Variants in NAALADL2 observed in about 807,000 individuals in gnomAD.
The protein encoded by NAALADL2 is N-acetylated alpha-linked acidic dipeptidase like 2, also known as inactive N-acetylated-alpha-linked acidic dipeptidase-like protein 2.
NAALADL2 carries 76 observed loss-of-function variants against 87.2 expected under a neutral mutation model. The observed-to-expected ratio is 0.87, with a 90% CI of 0.72 to 1.05. NAALADL2 has a LOEUF of 1.05. Among genes scored for constraint, NAALADL2 ranks in the 50% least tolerant of loss-of-function variants. The probability of loss-of-function intolerance (pLI) is 0.00; values close to 1 mark genes in which losing one functional copy is unlikely to be tolerated. For synonymous variants in NAALADL2, 354 were observed against 331.0 expected (o/e 1.07, Z -0.75); for missense variants, 1,089 against 945.8 (o/e 1.15, Z -1.99).
intron 2 of NAALADL2, among the ~76,000 whole-genome samples, chr3:174,554,809 T>G (rs1712555064): frequency 6.6e-6 from 1 of 152,184 alleles, no homozygotes. Context: ...TTAGTAAATT[T>G]GGGGCAAAAT....
At chr3:174,533,536 A>G (rs979342515) in intron 1 of NAALADL2, among the ~76,000 whole-genome samples, 6 of 151,992 alleles carry the variant, frequency 3.9e-5, no homozygotes, top group Non-Finnish European at 8.8e-5. Context: ...GCTGGTGAAT[A>G]TTTCTGAAAT....
Position 174,549,271 on chromosome 3 carries a change from T to C in NAALADL2, c.-183-1298T>C, listed in dbSNP as rs116589314. The stretch of plus-strand genomic sequence containing the variant: ...AGTACTACAGAGCAGATCTGACATA[T>C]ATTAAGAGCTGGAGTAGCTGAGATG... On this transcript the variant is annotated intron_variant, in intron 1 of 3. Transcript: ENST00000434257. Among the ~76,000 whole-genome samples, 166 of 152,344 alleles carry C rather than the reference T, an allele frequency of 1.1e-3. 1 individual carries two copies. Among genetic ancestry groups the C allele is most frequent in the African/African-American group, 3.8e-3 (157 of 41,588 alleles).
chr3:175,800,050 C>G (rs1753956588), intron 13 of NAALADL2, among the ~76,000 whole-genome samples: 1 of 151,920 alleles, frequency 6.6e-6, no homozygotes, highest in African/African-American at 2.4e-5. Flanking sequence ...TAGTTTATTC[C>G]CAGATTGCAT....
chr3:175,562,021 C>T (rs924529528), intron 9 of NAALADL2, among the ~76,000 whole-genome samples: 1 of 152,082 alleles, frequency 6.6e-6, no homozygotes, highest in African/African-American at 2.4e-5. Context: ...TGCAAAATGC[C>T]AAATTCAACA....
At chr3:175,068,923 G>C (rs1408583448) in intron 1 of NAALADL2, among the ~76,000 whole-genome samples, 1 of 152,054 alleles carries the variant, frequency 6.6e-6, no homozygotes, top group Non-Finnish European at 1.5e-5. Flanking sequence ...GCAATTATAT[G>C]TTGGTTAAAT....
At chr3:175,549,726 A>AAT (rs1714019400) in intron 9 of NAALADL2, among the ~76,000 whole-genome samples, 1 of 152,038 alleles carries the variant, frequency 6.6e-6, no homozygotes, top group Non-Finnish European at 1.5e-5. Flanking sequence ...AAATGTAGGC[A>AAT]ATACAAAGGC....
At chr3:174,750,678 C>T (rs561312742) in intron 3 of NAALADL2, among the ~76,000 whole-genome samples, 1 of 152,130 alleles carries the variant, frequency 6.6e-6, no homozygotes, top group Non-Finnish European at 1.5e-5. Flanking sequence ...TGGTGATCCA[C>T]CCGTCTCAGC....
chr3:175,160,360 CTTTTTTTTTT>C (rs71164618), intron 2 of NAALADL2, among the ~76,000 whole-genome samples: 730 of 57,026 alleles, frequency 0.013, 5 homozygotes, highest in Middle Eastern at 0.054. Flanking sequence ...TCTTTTCTTT[CTTTTTTTTTT>C]TTTTTTTTTT....
intron 5 of NAALADL2, among the ~76,000 whole-genome samples, chr3:175,392,163 T>C (rs1015681363): frequency 6.6e-6 from 1 of 152,226 alleles, no homozygotes; most frequent in Non-Finnish European, 1.5e-5. Context: ...TGTGAATTGA[T>C]GAATACTTGC....
At position 175,349,394 on chromosome 3, in the gene NAALADL2, T is replaced by A. The variant is rs150287490; in HGVS notation, c.1090+25069T>A. Among the ~76,000 whole-genome samples, 5 of 151,692 alleles carry A rather than the reference T, an allele frequency of 3.3e-5. No homozygotes were observed. The East Asian group carries it at 7.8e-4, about 24-fold the overall frequency. On this transcript the variant is annotated intron_variant, in intron 5 of 13. Transcript: ENST00000454872. Reference sequence around the variant, plus strand: ...GGAAGTAGCAGGCCAAAGAAGAAATTCACAAAAAACCACAGAGACTAGAGT... The same window carrying A: ...GGAAGTAGCAGGCCAAAGAAGAAATACACAAAAAACCACAGAGACTAGAGT...
chr3:175,703,310 C>T (rs554383487), intron 11 of NAALADL2, among the ~76,000 whole-genome samples: 3 of 152,308 alleles, frequency 2.0e-5, no homozygotes, highest in Admixed American at 6.5e-5. Context: ...GGAAGTCTAT[C>T]AAACTGTCTA....
intron 3 of NAALADL2, among the ~76,000 whole-genome samples, chr3:175,241,381 C>T (rs1237550116): frequency 1.3e-5 from 2 of 152,036 alleles, no homozygotes; most frequent in African/African-American, 4.8e-5. Context: ...CCACCATGCC[C>T]AGCTAATTTT....
At chr3:175,140,483 A>C (rs1425678320) in intron 2 of NAALADL2, among the ~76,000 whole-genome samples, 1 of 152,162 alleles carries the variant, frequency 6.6e-6, no homozygotes, top group Non-Finnish European at 1.5e-5. Context: ...ACATAACACC[A>C]CCTTGAAGGG....
chr3:174,618,741 A>C (rs1296826216), intron 2 of NAALADL2, among the ~76,000 whole-genome samples: 2 of 151,952 alleles, frequency 1.3e-5, no homozygotes, highest in Non-Finnish European at 2.9e-5. Flanking sequence ...GAATGGCTCA[A>C]TGTAATTTTT....
chr3:175,046,618 C>G (rs1754704173), intron 1 of NAALADL2, among the ~76,000 whole-genome samples: 1 of 152,144 alleles, frequency 6.6e-6, no homozygotes, highest in Admixed American at 6.5e-5. Flanking sequence ...TGCTCTGCGA[C>G]AGCAATAAGC....
intron 2 of NAALADL2, among the ~76,000 whole-genome samples, chr3:175,098,311 C>T (rs532013244): frequency 2.6e-5 from 4 of 152,228 alleles, no homozygotes; most frequent in Non-Finnish European, 5.9e-5. Flanking sequence ...TTGTATCATT[C>T]AGGACCCAGT....
intron 2 of NAALADL2, among the ~76,000 whole-genome samples, chr3:175,124,208 CAT>C (rs1472741597): frequency 6.6e-6 from 1 of 151,948 alleles, no homozygotes; most frequent in African/African-American, 2.4e-5. Flanking sequence ...TACAATCTAA[CAT>C]ATAATTAGGC....
intron 11 of NAALADL2, among the ~76,000 whole-genome samples, chr3:175,712,246 C>G (rs1018474409): frequency 7.2e-5 from 11 of 152,056 alleles, no homozygotes; most frequent in African/African-American, 2.6e-4. Context: ...CCTTTCTTCC[C>G]TATTGACATT....
At chr3:174,800,256 G>A (rs1718662207) in intron 3 of NAALADL2, among the ~76,000 whole-genome samples, 1 of 152,056 alleles carries the variant, frequency 6.6e-6, no homozygotes, top group African/African-American at 2.4e-5. Flanking sequence ...CCTGAGACCT[G>A]GAAGAAAAAA....
Sources: gnomAD v4.1 joint callset for allele counts (sites outside exome capture counted in the v4.1 genomes callset) on GRCh38, gnomAD v4.1.1 for gene constraint, MANE v1.5 for transcripts, NCBI Gene and HGNC (gene_info 2026-07-23, HGNC 2026-07-21) for gene names.